SUSD1: variants seen among roughly 807,000 people sequenced by gnomAD.
SUSD1 encodes the protein sushi domain containing 1.
A neutral mutation model predicts 86.9 loss-of-function variants in SUSD1; 65 were observed. The observed-to-expected ratio is 0.75, with a 90% CI of 0.61 to 0.92. The LOEUF is 0.92. Ranked by LOEUF, SUSD1 falls within the 40% of genes least tolerant of loss-of-function variation. The pLI, the probability that SUSD1 is intolerant of heterozygous loss-of-function variation, is 0.00. For synonymous variants in SUSD1, 346 were observed against 350.0 expected, an observed-to-expected ratio of 0.99 and a Z score of 0.13; for missense variants, 850 against 929.7, an observed-to-expected ratio of 0.91 and a Z score of 1.11.
intron 5 of SUSD1, among the ~76,000 whole-genome samples, chr9:112,125,992 C>T (rs973401999): frequency 6.6e-6 from 1 of 152,174 alleles, no homozygotes; most frequent in Non-Finnish European, 1.5e-5. Context: ...CCTTTTCATG[C>T]ATATTCACCA....
intron 15 of SUSD1, among the ~76,000 whole-genome samples, chr9:112,046,099 C>T (rs1398534267): frequency 6.6e-6 from 1 of 152,200 alleles, no homozygotes; most frequent in Admixed American, 6.5e-5. Flanking sequence ...GCTGGTAGAT[C>T]AGTTCCTGGT....
At chr9:112,118,507 C>G (rs1043162819) in intron 6 of SUSD1, among the ~76,000 whole-genome samples, 1 of 152,040 alleles carries the variant, frequency 6.6e-6, no homozygotes, top group African/African-American at 2.4e-5. Context: ...TTTTTGGAGA[C>G]GGAGTCTTGC....
chr9:112,041,826 C>T (rs1434173983), intron 16 of SUSD1, 41 bp downstream of exon 16: 1 of 1,583,890 alleles, frequency 6.3e-7, no homozygotes, highest in Admixed American at 1.7e-5. Flanking sequence ...CCATCCTCCC[C>T]TCCATTCCAG....
intron 15 of SUSD1, among the ~76,000 whole-genome samples, chr9:112,051,821 T>C (rs1168354218): frequency 6.6e-6 from 1 of 152,162 alleles, no homozygotes; most frequent in Non-Finnish European, 1.5e-5. Context: ...CATTTCTTGA[T>C]AGGGATTTTG....
intron 14 of SUSD1, among the ~76,000 whole-genome samples, chr9:112,052,675 T>C (rs967266436): frequency 2.6e-5 from 4 of 152,108 alleles, no homozygotes; most frequent in Non-Finnish European, 4.4e-5. Flanking sequence ...TTCCAACAGG[T>C]CTTGGAAAGC....
In SUSD1 at chr9:112,041,956, C is replaced by T. The variant is rs763208586; in HGVS notation, c.2154G>A (p.Ser718=). The change falls in exon 16 of 17, where the codon TCG becomes TCA. Residue 718 remains serine, a synonymous_variant. Transcript: ENST00000374270. The part of the protein sequence containing the change: ...SCAVWAQVKD[S]SLMLLQMAGV... ...CCGCCATCTGCAGCAGCATGAGTGA[C>T]GAATCTGTGGGACAAAACCACAGGC... 3.7e-6 allele frequency: 6 copies of T among 1,613,670 alleles called. No individual in the cohort carries two copies. In the African/African-American group the frequency reaches 4.0e-5, roughly 11 times the overall value.
At chr9:112,068,699 CAAAA>C (rs200990357) in intron 12 of SUSD1, among the ~76,000 whole-genome samples, 8 of 84,534 alleles carry the variant, frequency 9.5e-5, no homozygotes, top group East Asian at 3.4e-4. Flanking sequence ...GACCCTGTCT[CAAAA>C]AAAAAAAAAA....
chr9:112,078,949 G>T (rs1222673131), intron 11 of SUSD1, among the ~76,000 whole-genome samples: 1 of 151,520 alleles, frequency 6.6e-6, no homozygotes. Flanking sequence ...AAGTAACTGG[G>T]ACCACAGATG....
chr9:112,050,709 G>A (rs1589575213), intron 15 of SUSD1, among the ~76,000 whole-genome samples: 1 of 152,164 alleles, frequency 6.6e-6, no homozygotes, highest in East Asian at 1.9e-4. Context: ...CAGATTCCAA[G>A]GTCATAAACT....
chr9:112,152,751 C>CTTTTTTTT (rs71382410), intron 2 of SUSD1, among the ~76,000 whole-genome samples: 19 of 87,478 alleles, frequency 2.2e-4, no homozygotes, highest in African/African-American at 4.0e-4. Context: ...TTTTTTTAAT[C>CTTTTTTTT]TTTTTTTTTT....
chr9:112,100,160 G>C (rs1317373124), intron 9 of SUSD1, among the ~76,000 whole-genome samples: 1 of 152,154 alleles, frequency 6.6e-6, no homozygotes. Flanking sequence ...TGTTTCACAT[G>C]TCACACAAAT....
chr9:112,157,311 T>A (rs1833370050), intron 2 of SUSD1, among the ~76,000 whole-genome samples, 189 bp downstream of exon 2: 1 of 152,206 alleles, frequency 6.6e-6, no homozygotes, highest in African/African-American at 2.4e-5. Flanking sequence ...GAATACTATC[T>A]TGGAAACACT....
chr9:112,174,763 C>G (rs1381635657), intron 1 of SUSD1, among the ~76,000 whole-genome samples: 1 of 152,152 alleles, frequency 6.6e-6, no homozygotes, highest in African/African-American at 2.4e-5. Flanking sequence ...AGCGTGACAG[C>G]GCCGCAGAAC....
In SUSD1 at chr9:112,083,316, C is replaced by G. The variant is rs149233584; in HGVS notation, c.1475-3151G>C. 2.0e-3 allele frequency among the ~76,000 whole-genome samples: 297 copies of G among 152,254 alleles called. 2 individuals are homozygous for G. The highest frequency in any genetic ancestry group is 0.01 in the Middle Eastern group (3 of 294). On this transcript the variant is annotated intron_variant, in intron 10 of 16. Coordinates refer to ENST00000374270, the MANE Select transcript of SUSD1 (RefSeq NM_022486.5). ...AATCTCAGCTCAGTGCAACCTCTGC[C>G]TCCTGAGTTCAAGCAATTCTCCTGC... is the stretch of plus-strand genomic sequence containing the variant.
chr9:112,122,096 G>A (rs990776845), intron 6 of SUSD1, among the ~76,000 whole-genome samples: 3 of 152,200 alleles, frequency 2.0e-5, no homozygotes, highest in Non-Finnish European at 1.5e-5. Flanking sequence ...TGAGGAAACC[G>A]AGGCTCAGAA....
At chr9:112,120,580 A>G (rs1365745434) in intron 6 of SUSD1, among the ~76,000 whole-genome samples, 4 of 152,244 alleles carry the variant, frequency 2.6e-5, no homozygotes, top group African/African-American at 9.6e-5. Flanking sequence ...GCCTCCTCAC[A>G]GAAAGATCAC....
intron 10 of SUSD1, among the ~76,000 whole-genome samples, chr9:112,094,554 T>C (rs999980947): frequency 8.5e-5 from 13 of 152,228 alleles, no homozygotes; most frequent in African/African-American, 2.4e-4. Flanking sequence ...CCTAGAACTC[T>C]GTTCCTAGAA....
intron 2 of SUSD1, among the ~76,000 whole-genome samples, chr9:112,156,893 T>C (rs1833353154): frequency 6.6e-6 from 1 of 152,202 alleles, no homozygotes; most frequent in Admixed American, 6.5e-5. Flanking sequence ...AAAGTCTCCC[T>C]CTCTCTGAAT....
intron 12 of SUSD1, among the ~76,000 whole-genome samples, chr9:112,077,172 G>A (rs1228845482): frequency 6.6e-6 from 1 of 152,086 alleles, no homozygotes; most frequent in African/African-American, 2.4e-5. Flanking sequence ...ATTCTGTATT[G>A]AGGGGAAGTG....
Sources: gnomAD v4.1 joint callset for allele counts (sites outside exome capture counted in the v4.1 genomes callset) on GRCh38, gnomAD v4.1.1 for gene constraint, MANE v1.5 for transcripts, NCBI Gene and HGNC (gene_info 2026-07-23, HGNC 2026-07-21) for gene names.